ZFYVE28: variants seen among roughly 807,000 people sequenced by gnomAD.
The protein encoded by ZFYVE28 is zinc finger FYVE-type containing 28.
Under a neutral mutation model 82.1 loss-of-function variants are expected in ZFYVE28, and 40 were observed. The ratio of observed to expected loss-of-function variants is 0.49; its 90% CI spans 0.38 to 0.63. The LOEUF (loss-of-function observed/expected upper bound fraction) is 0.63. Ranked by LOEUF, ZFYVE28 falls within the 30% of genes least tolerant of loss-of-function variation. ZFYVE28 has a pLI of 0.00. For missense variants in ZFYVE28, 1,321 were observed against 1,242.1 expected (o/e 1.06, Z -0.96); for synonymous variants, 612 against 546.1 (o/e 1.12, Z -1.68).
chr4:2,306,859 T>C (rs1186976018), intron 7 of ZFYVE28: 1 of 152,252 alleles, frequency 6.6e-6, no homozygotes, highest in Non-Finnish European at 1.5e-5. Context: ...GGGGTAAATA[T>C]ACGTAGTTCC....
chr4:2,342,299 T>C (rs1277860495), intron 2 of ZFYVE28, among the ~76,000 whole-genome samples: 3 of 152,190 alleles, frequency 2.0e-5, no homozygotes, highest in African/African-American at 7.2e-5. Context: ...AGACCCTGAC[T>C]CCATCCCTCA....
intron 1 of ZFYVE28, among the ~76,000 whole-genome samples, chr4:2,397,686 G>T (rs3128795): frequency 0.85 from 129,021 of 151,874 alleles, 54,961 homozygotes; most frequent in Admixed American, 0.9. Flanking sequence ...TAGTCCTTTT[G>T]TGATTTAGTC....
chr4:2,302,820 C>T (rs1457140389), intron 8 of ZFYVE28, among the ~76,000 whole-genome samples: 1 of 152,248 alleles, frequency 6.6e-6, no homozygotes, highest in Non-Finnish European at 1.5e-5. Context: ...TACATGGTGG[C>T]CCTTACAGAC....
chr4:2,383,850 G>C (rs948558482), intron 1 of ZFYVE28, among the ~76,000 whole-genome samples: 2 of 152,168 alleles, frequency 1.3e-5, no homozygotes, highest in South Asian at 4.1e-4. Flanking sequence ...TGTCGCTGGC[G>C]TGTGTTACAG....
At chr4:2,308,491 C>T (rs1007433663) in intron 7 of ZFYVE28, among the ~76,000 whole-genome samples, 1 of 101,560 alleles carries the variant, frequency 9.8e-6, no homozygotes, top group Non-Finnish European at 1.7e-5. Context: ...TCAATTTCTA[C>T]AAGGAAGGAA....
intron 5 of ZFYVE28, among the ~76,000 whole-genome samples, chr4:2,336,576 C>CA (rs1721732989): frequency 6.6e-6 from 1 of 151,052 alleles, no homozygotes; most frequent in Non-Finnish European, 1.5e-5. Flanking sequence ...CCCCCACTCC[C>CA]TAAAAAAGAA....
rs539313644 is a variant in ZFYVE28, at chr4:2,275,387, C to G, written c.2052-1171G>C. The stretch of plus-strand genomic sequence containing the variant: ...ATCTCCTATCTTTTTGTCCCATTTT[C>G]TGGGAAATTTCCCCCAACTCGTTCT... On this transcript the variant is annotated intron_variant, in intron 8 of 12. Transcript: ENST00000290974. Among the ~76,000 whole-genome samples, 7 of 152,342 alleles carry G rather than the reference C, an allele frequency of 4.6e-5. No individual in the cohort carries two copies. In the East Asian group the frequency reaches 1.2e-3, roughly 25 times the overall value.
At chr4:2,307,954 C>G (rs1428012691) in intron 7 of ZFYVE28, among the ~76,000 whole-genome samples, 2 of 152,168 alleles carry the variant, frequency 1.3e-5, no homozygotes, top group African/African-American at 4.8e-5. Context: ...GAAAAACAAC[C>G]ATTCCCGCTG....
chr4:2,305,682 A>G (rs935183217), intron 7 of ZFYVE28, 146 bp from the exon 8 acceptor site: 28 of 999,074 alleles, frequency 2.8e-5, no homozygotes, highest in African/African-American at 4.9e-5. Flanking sequence ...TCAAGGCACC[A>G]GCACGTCTCC....
intron 10 of ZFYVE28, among the ~76,000 whole-genome samples, chr4:2,272,110 T>C (rs967794156): frequency 6.6e-6 from 1 of 152,212 alleles, no homozygotes; most frequent in Non-Finnish European, 1.5e-5. Flanking sequence ...AACAGGGCCA[T>C]GTCACCTGCC....
intron 7 of ZFYVE28, among the ~76,000 whole-genome samples, chr4:2,312,408 C>A (rs903666646): frequency 1.1e-4 from 17 of 152,098 alleles, no homozygotes; most frequent in African/African-American, 3.9e-4. Flanking sequence ...TTTCCATTGA[C>A]TTCTGCAATG....
intron 1 of ZFYVE28, among the ~76,000 whole-genome samples, chr4:2,382,956 C>A (rs1290857340): frequency 6.6e-6 from 1 of 152,050 alleles, no homozygotes; most frequent in African/African-American, 2.4e-5. Flanking sequence ...TCTCCTGAGA[C>A]TTATTCACTA....
chr4:2,334,370 G>T (rs930729418), intron 6 of ZFYVE28, among the ~76,000 whole-genome samples: 19 of 151,984 alleles, frequency 1.3e-4, no homozygotes, highest in Non-Finnish European at 2.6e-4. Context: ...CTCCAACAAG[G>T]GGTGTTCGGC....
chr4:2,369,823 G>C (rs1186429937), intron 1 of ZFYVE28, among the ~76,000 whole-genome samples: 1 of 91,678 alleles, frequency 1.1e-5, no homozygotes, highest in Non-Finnish European at 2.4e-5. Flanking sequence ...CCAGAACTTT[G>C]AAAGAAGGGA....
In ZFYVE28 at chr4:2,305,137, G is replaced by A. The variant is rs1392886913; in HGVS notation, c.1203C>T (p.Phe401=). 2 of 1,590,212 alleles carry A rather than the reference G, an allele frequency of 1.3e-6. No individual in the cohort carries two copies. Among genetic ancestry groups the A allele is most frequent in the Non-Finnish European group, 8.6e-7 (1 of 1,166,910 alleles). The change falls in exon 8 of 13, where the codon TTC becomes TTT. Residue 401 remains phenylalanine, a synonymous_variant. Coordinates refer to ENST00000290974, the MANE Select transcript of ZFYVE28 (RefSeq NM_020972.3). ...CCGTCCCCTCCACGTCATCCATGAA[G>A]AACACGCGCTCCTCCTCGTCACTGC... is the stretch of plus-strand genomic sequence containing the variant. ...RSGSDEEERV[F]FMDDVEGTAE...
intron 1 of ZFYVE28, among the ~76,000 whole-genome samples, chr4:2,383,104 G>C (rs1451566216): frequency 6.6e-6 from 1 of 152,142 alleles, no homozygotes; most frequent in Non-Finnish European, 1.5e-5. Context: ...CCATAACAGG[G>C]ACTGTTGGGA....
intron 6 of ZFYVE28, among the ~76,000 whole-genome samples, chr4:2,321,227 C>T (rs964508006): frequency 6.6e-6 from 1 of 152,080 alleles, no homozygotes; most frequent in African/African-American, 2.4e-5. Context: ...AATGGAGCAC[C>T]ACCGGCCTGT....
At chr4:2,298,864 G>A (rs572959165) in intron 8 of ZFYVE28, among the ~76,000 whole-genome samples, 1 of 152,272 alleles carries the variant, frequency 6.6e-6, no homozygotes, top group Non-Finnish European at 1.5e-5. Flanking sequence ...GCTGGTTCCA[G>A]CCTCCTCCCG....
At chr4:2,390,547 T>C (rs3135088) in intron 1 of ZFYVE28, among the ~76,000 whole-genome samples, 134,466 of 152,184 alleles carry the variant, frequency 0.88, 59,754 homozygotes, top group African/African-American at 0.97. Flanking sequence ...AGAAGCCATC[T>C]GGCAGCGAGG....
Sources: allele counts gnomAD v4.1 joint callset (sites outside exome capture counted in the v4.1 genomes callset), GRCh38; gene constraint gnomAD v4.1.1; transcripts MANE v1.5; gene names NCBI Gene and HGNC (gene_info 2026-07-23, HGNC 2026-07-21).